Variants in POR observed in about 807,000 individuals in gnomAD.
POR encodes NADPH--cytochrome P450 reductase.
A neutral mutation model predicts 84.0 loss-of-function variants in POR; 56 were observed. That is an observed-to-expected ratio of 0.67 (90% CI 0.54 to 0.83). POR has a LOEUF of 0.83. POR is among the 40% of genes least tolerant of loss of function. POR has a pLI of 0.00. For synonymous variants in POR, 414 were observed against 400.5 expected (o/e 1.03, Z -0.40); for missense variants, 938 against 944.3 (o/e 0.99, Z 0.09).
intron 2 of POR, among the ~76,000 whole-genome samples, chr7:75,961,884 C>T (rs782590373): frequency 9.2e-5 from 14 of 152,080 alleles, no homozygotes; most frequent in Non-Finnish European, 1.6e-4. Flanking sequence ...TGTGGTGGCA[C>T]ATGCCTGTGG....
chr7:75,952,741 G>A (rs1355697328), intron 1 of POR, among the ~76,000 whole-genome samples: 1 of 151,662 alleles, frequency 6.6e-6, no homozygotes, highest in Non-Finnish European at 1.5e-5. Context: ...AGGCAGAGAC[G>A]CTCCTCACTT....
At chr7:75,942,690 A>C (rs1416829447) in intron 1 of POR, among the ~76,000 whole-genome samples, 2 of 151,918 alleles carry the variant, frequency 1.3e-5, no homozygotes, top group Non-Finnish European at 2.9e-5. Flanking sequence ...AGCTCAAAAA[A>C]ATGTGCAAAG....
intron 2 of POR, among the ~76,000 whole-genome samples, chr7:75,971,522 G>A (rs182818489): frequency 1.6e-4 from 24 of 152,112 alleles, no homozygotes; most frequent in African/African-American, 5.3e-4. Context: ...GTGGTGCGGG[G>A]GTAGAAGGCC....
At chr7:75,936,823 ATTTTTTT>A (rs71519400) in intron 1 of POR, among the ~76,000 whole-genome samples, 1 of 123,578 alleles carries the variant, frequency 8.1e-6, no homozygotes, top group African/African-American at 3.4e-5. Context: ...ATTATTATTA[ATTTTTTT>A]TTTTTTTTTT....
chr7:75,975,130 A>G (rs1479862856), intron 3 of POR, among the ~76,000 whole-genome samples: 1 of 151,598 alleles, frequency 6.6e-6, no homozygotes, highest in Non-Finnish European at 1.5e-5. Context: ...GGTCTTCCCC[A>G]TGCTAAAGAG....
intron 1 of POR, among the ~76,000 whole-genome samples, chr7:75,951,068 C>A (rs1488715223): frequency 2.9e-5 from 2 of 69,368 alleles, no homozygotes; most frequent in African/African-American, 9.9e-5. Context: ...CCCGGCCCCC[C>A]CCCCCCCCGA....
At chr7:75,938,838 C>G (rs962185426) in intron 1 of POR, among the ~76,000 whole-genome samples, 12 of 152,148 alleles carry the variant, frequency 7.9e-5, no homozygotes, top group African/African-American at 2.9e-4. Context: ...CTTGAGTTAC[C>G]CCAGACCCCG....
rs782571126 is a variant in POR at position 75,982,208 on chromosome 7, G to C, written c.732-16G>C. ...CCTGCCGCTTCCCGGCCTCACCCTT[G>C]GTCTCCCCTTTCCAGCATTCGCCAG... On this transcript the variant is annotated splice_polypyrimidine_tract_variant and intron_variant, in intron 7 of 15. Coordinates refer to ENST00000461988, the MANE Select transcript of POR (RefSeq NM_000941.3). The C allele has an allele frequency of 2.5e-6, 4 of 1,599,940 alleles. No homozygotes were observed. The highest frequency in any genetic ancestry group is 4.5e-5 in the East Asian group (2 of 44,254).
chr7:75,928,367 G>A (rs1428757938), intron 1 of POR, among the ~76,000 whole-genome samples: 11 of 152,336 alleles, frequency 7.2e-5, no homozygotes, highest in African/African-American at 2.4e-4. Context: ...TCTTGAGCTA[G>A]TCGTGGACAC....
In POR at chr7:75,985,763, C is replaced by CCACG. The variant is rs1554559154; in HGVS notation, c.1585_1588dup (p.Pro530HisfsTer46). On this transcript the variant is annotated frameshift_variant, in exon 13 of 16. Coordinates refer to ENST00000461988, the MANE Select transcript of POR (RefSeq NM_000941.3). LOFTEE classifies it high-confidence loss of function. The stretch of plus-strand genomic sequence containing the variant: ...CAGTTCCGCCTGCCCTTCAAGGCCA[C>CCACG]CACGCCTGTCATCATGGTGGGCCCC... 6.3e-7 allele frequency: 1 copy of CCACG among 1,579,846 alleles called. No individual in the cohort carries two copies. Among genetic ancestry groups the CCACG allele is most frequent in the Non-Finnish European group, 8.6e-7 (1 of 1,164,140 alleles).
chr7:75,981,497 C>T lies in POR; in HGVS notation c.642-20C>T, dbSNP rs368640263. On this transcript the variant is annotated intron_variant, in intron 6 of 15. Transcript: ENST00000461988. ...ATGGGCCTCCCCTGAGCCGCTCCCCCTCTCCTCTCCTCGGCCCAGCTTGGA... is the reference window on the plus strand; with the variant it reads ...ATGGGCCTCCCCTGAGCCGCTCCCCTTCTCCTCTCCTCGGCCCAGCTTGGA... 9 of 1,602,842 alleles carry T rather than the reference C, an allele frequency of 5.6e-6. No individual in the cohort carries two copies. The highest frequency in any genetic ancestry group is 5.4e-5 in the African/African-American group (4 of 74,748).
At chr7:75,977,079 C>G (rs1373866267) in intron 3 of POR, among the ~76,000 whole-genome samples, 1 of 152,178 alleles carries the variant, frequency 6.6e-6, no homozygotes, top group African/African-American at 2.4e-5. Context: ...TCTCAAACTC[C>G]TGGGCTCAAG....
intron 2 of POR, among the ~76,000 whole-genome samples, chr7:75,963,204 C>T (rs782618406): frequency 2.6e-5 from 4 of 152,076 alleles, no homozygotes; most frequent in Admixed American, 6.6e-5. Flanking sequence ...GTCCTTGGCT[C>T]CATCGAGCAT....
chr7:75,931,490 C>T (rs1807417300), intron 1 of POR, among the ~76,000 whole-genome samples: 1 of 151,834 alleles, frequency 6.6e-6, no homozygotes, highest in Admixed American at 6.6e-5. Context: ...CCTTAGCCTC[C>T]CGAGTAGCTG....
At chr7:75,942,371 C>G (rs1786959964) in intron 1 of POR, among the ~76,000 whole-genome samples, 1 of 152,196 alleles carries the variant, frequency 6.6e-6, no homozygotes, top group Non-Finnish European at 1.5e-5. Context: ...AATATCTTTT[C>G]ACACAAATAG....
Position 75,981,729 on chromosome 7 carries a change from G to A in POR, c.731+123G>A, listed in dbSNP as rs41299502. On this transcript the variant is annotated intron_variant, in intron 7 of 15. Coordinates refer to ENST00000461988, the MANE Select transcript of POR (RefSeq NM_000941.3). ...TTAGAAGACACTCCGTCATAGGGTC[G>A]AGGAGGGACCTTGGTCCCAGCCAAG... is the stretch of plus-strand genomic sequence containing the variant. 1.5e-3 allele frequency: 1,240 copies of A among 804,344 alleles called. 12 individuals carry two copies. The highest frequency in any genetic ancestry group is 0.015 in the African/African-American group (880 of 57,864). The allele number at this position is 804,344 out of a possible 1,614,324, so 49.8% of individuals were successfully genotyped here. A position where few individuals can be genotyped will look rare whatever the true frequency, so the allele number is the denominator to read the frequency against.
In POR at chr7:75,946,439, G is replaced by A. The variant is rs556560498; in HGVS notation, c.-4-7550G>A. On this transcript the variant is annotated intron_variant, in intron 1 of 15. Transcript: ENST00000461988. ...ATAGCTGGGACTACAGGTGCGCACC[G>A]TCACACCTGGCTAACTTTTGTATTT... Among the ~76,000 whole-genome samples, 353 of 152,032 alleles carry A rather than the reference G, an allele frequency of 2.3e-3. 1 individual carries two copies. Among genetic ancestry groups the A allele is most frequent in the African/African-American group, 8.1e-3 (334 of 41,458 alleles).
At chr7:75,924,527 T>G (rs1187441029) in intron 1 of POR, among the ~76,000 whole-genome samples, 1 of 151,996 alleles carries the variant, frequency 6.6e-6, no homozygotes, top group Non-Finnish European at 1.5e-5. Flanking sequence ...ATTTAAAAAT[T>G]AGTGTTTTTA....
chr7:75,985,042 C>T lies in POR; in HGVS notation c.1249-16C>T, dbSNP rs1266871005. On this transcript the variant is annotated splice_polypyrimidine_tract_variant and intron_variant, in intron 11 of 15. Transcript: ENST00000461988. ...GTGGGCCCCAATCAGCCCCATCTCA[C>T]CCCCGTGTCTCTTAGGAGCTGTACC... 4.4e-6 allele frequency: 7 copies of T among 1,589,264 alleles called. No homozygotes were observed. In the African/African-American group the frequency reaches 9.4e-5, roughly 21 times the overall value.
Sources: allele counts gnomAD v4.1 joint callset (sites outside exome capture counted in the v4.1 genomes callset), GRCh38; gene constraint gnomAD v4.1.1; transcripts MANE v1.5; gene names NCBI Gene and HGNC (gene_info 2026-07-23, HGNC 2026-07-21).